The following KCNK5 variants were observed in gnomAD, a reference collection of about 807,000 sequenced individuals.
The protein encoded by KCNK5 is potassium two pore domain channel subfamily K member 5.
Under a neutral mutation model 32.9 loss-of-function variants are expected in KCNK5, and 18 were observed. The observed-to-expected ratio is 0.55, with a 90% confidence interval of 0.38 to 0.81. KCNK5 has a LOEUF of 0.81. KCNK5 is among the 30% of genes least tolerant of loss of function. The pLI is 0.00. For missense variants in KCNK5, 507 were observed against 651.0 expected (o/e 0.78, Z 2.41); for synonymous variants, 276 against 275.3 (o/e 1.00, Z -0.03).
In KCNK5 at chr6:39,191,201, G is replaced by T; in HGVS notation, c.1189C>A (p.Arg397Ser). Residue 397 changes from arginine (R) to serine (S), a missense_variant, in exon 5 of 5, where the codon CGC (arginine) becomes AGC (serine). Arg to Ser is a moderately radical substitution (Grantham distance 110). Around this residue, in one of 6 missense-constraint regions of KCNK5, gnomAD observed 252 missense variants for 250.8 expected, o/e 1.00. Coordinates refer to ENST00000359534, the MANE Select transcript of KCNK5 (RefSeq NM_003740.4). The surrounding 1 kb of genome is among the most constrained non-coding windows in gnomAD (Gnocchi z 5.8). ...APEVFMNQLD[R>S]ISEECEPWDA... ...CATGGCTCGCATTCCTCGCTGATGC[G>T]GTCCAGCTGGTTCATGAACACCTCG... The T allele has an allele frequency of 6.2e-7, 1 of 1,614,222 alleles. No individual in the cohort carries two copies. The highest frequency in any genetic ancestry group is 8.5e-7 in the Non-Finnish European group (1 of 1,180,046).
At chr6:39,199,397 A>C (rs1176788352) in intron 1 of KCNK5, among the ~76,000 whole-genome samples, 1 of 152,194 alleles carries the variant, frequency 6.6e-6, no homozygotes, top group Non-Finnish European at 1.5e-5. Context: ...ACCAGCTGGC[A>C]GCCTCAGGCC....
In KCNK5 at chr6:39,190,843, G is replaced by A; in HGVS notation, c.*47C>T. 2 of 1,443,488 alleles carry A rather than the reference G, an allele frequency of 1.4e-6. No homozygotes were observed. The highest frequency in any genetic ancestry group is 1.5e-5 in the South Asian group (1 of 65,060). 89.4% of individuals were successfully genotyped at this position (1,443,488 alleles called of 1,614,324 possible). A position where few individuals can be genotyped will look rare whatever the true frequency, so the allele number is the denominator to read the frequency against. ...CGGTCATCTCGGGACACCCTAGGGTGAGGGGGGAAGAGGCCATCAAAGGTG... is the reference window on the plus strand; with the variant it reads ...CGGTCATCTCGGGACACCCTAGGGTAAGGGGGGAAGAGGCCATCAAAGGTG... On this transcript the variant is annotated 3_prime_UTR_variant, in exon 5 of 5. Transcript: ENST00000359534.
rs73412644 is a variant in KCNK5, at chr6:39,189,605, C to T, written c.*1285G>A. 1.3e-5 allele frequency: 2 copies of T among 152,756 alleles called. No individual in the cohort carries two copies. The highest frequency in any genetic ancestry group is 4.8e-5 in the African/African-American group (2 of 41,564). The allele number at this position is 152,756 out of a possible 1,614,324, so 9.5% of individuals were successfully genotyped here. A position where few individuals can be genotyped will look rare whatever the true frequency, so the allele number is the denominator to read the frequency against. ...CATTCAGGACACAGTGGGCCAGCCCCAGGGTGAACATCATGGAGAACCCAA... is the reference window on the plus strand; with the variant it reads ...CATTCAGGACACAGTGGGCCAGCCCTAGGGTGAACATCATGGAGAACCCAA... On this transcript the variant is annotated 3_prime_UTR_variant, in exon 5 of 5. Coordinates refer to ENST00000359534, the MANE Select transcript of KCNK5 (RefSeq NM_003740.4).
intron 1 of KCNK5, among the ~76,000 whole-genome samples, chr6:39,219,972 G>A (rs1386689654): frequency 1.3e-5 from 2 of 152,228 alleles, no homozygotes; most frequent in East Asian, 3.8e-4. Flanking sequence ...ATAAACCGGA[G>A]TACAGGTAAA....
intron 1 of KCNK5, among the ~76,000 whole-genome samples, chr6:39,224,624 G>A (rs1208909228): frequency 6.6e-6 from 1 of 152,172 alleles, no homozygotes. Flanking sequence ...AAGCACTTTG[G>A]AGCTTAGGAA....
chr6:39,223,327 G>T (rs947654387), intron 1 of KCNK5, among the ~76,000 whole-genome samples: 1 of 152,226 alleles, frequency 6.6e-6, no homozygotes, highest in Middle Eastern at 3.2e-3. Context: ...CGCAGTGGCA[G>T]CTGGACAAAG....
At chr6:39,226,616 T>C (rs2113801042) in intron 1 of KCNK5, among the ~76,000 whole-genome samples, 1 of 152,206 alleles carries the variant, frequency 6.6e-6, no homozygotes, top group East Asian at 1.9e-4. Context: ...GAGCGTCAGG[T>C]GGAAAATGCC....
In KCNK5 at chr6:39,229,475, C is replaced by A. The variant is rs1771732462; in HGVS notation, c.-364G>T. 1 of 218,248 alleles carries A rather than the reference C, an allele frequency of 4.6e-6. No individual in the cohort carries two copies. Among genetic ancestry groups the A allele is most frequent in the Non-Finnish European group, 9.2e-6 (1 of 108,980 alleles). 13.5% of individuals were successfully genotyped at this position (218,248 alleles called of 1,614,324 possible). On this transcript the variant is annotated 5_prime_UTR_variant, in exon 1 of 5. Transcript: ENST00000359534. ...TCCTCCGCGCGCCACTAGCAGTATG[C>A]GCCGCGCCCGCCTCCGCACGCCTCT...
chr6:39,227,595 C>T (rs182776673), intron 1 of KCNK5, among the ~76,000 whole-genome samples: 38 of 152,314 alleles, frequency 2.5e-4, no homozygotes, highest in Middle Eastern at 3.4e-3. Flanking sequence ...ACCTCCCCTT[C>T]TACAGGACCC....
At position 39,190,763 on chromosome 6, in the gene KCNK5, C is replaced by CCTGGCCCCCCACTCCCAGTTCCGAGG; in HGVS notation, c.*101_*126dup. On this transcript the variant is annotated 3_prime_UTR_variant, in exon 5 of 5. Coordinates refer to ENST00000359534, the MANE Select transcript of KCNK5 (RefSeq NM_003740.4). ...AGGATGATGGAAGGTTAGGAAGGCC[C>CCTGGCCCCCCACTCCCAGTTCCGAGG]CTGGCCCCCCACTCCCAGTTCCGAG... is the stretch of plus-strand genomic sequence containing the variant. The CCTGGCCCCCCACTCCCAGTTCCGAGG allele has an allele frequency of 1.1e-6, 1 of 935,438 alleles. No individual in the cohort carries two copies. The highest frequency in any genetic ancestry group is 1.5e-6 in the Non-Finnish European group (1 of 664,528). 57.9% of individuals were successfully genotyped at this position (935,438 alleles called of 1,614,324 possible). A position where few individuals can be genotyped will look rare whatever the true frequency, so the allele number is the denominator to read the frequency against.
chr6:39,222,583 C>T (rs1771573569), intron 1 of KCNK5, among the ~76,000 whole-genome samples: 1 of 152,206 alleles, frequency 6.6e-6, no homozygotes, highest in African/African-American at 2.4e-5. Flanking sequence ...TGGCCTGTGG[C>T]TACAGCCTGT....
Position 39,191,427 on chromosome 6 carries a change from C to A in KCNK5, c.963G>T (p.Thr321=). 1 of 1,613,216 alleles carries A rather than the reference C, an allele frequency of 6.2e-7. No homozygotes were observed. The highest frequency in any genetic ancestry group is 1.1e-5 in the South Asian group (1 of 91,070). ...GAGGCCCCAGCCCTGGGCCCGGGCC[C>A]GTCTCCCCACCCCCGCTTGTCTTCA... is the stretch of plus-strand genomic sequence containing the variant. ...KAMKTSGGGE[T]GPGPGLGPQG... is the part of the protein sequence containing the mutation. The change falls in exon 5 of 5, where the codon ACG becomes ACT. Residue 321 remains threonine (T), a synonymous_variant. Transcript: ENST00000359534. This position sits in a 1 kb window ranked among gnomAD's most constrained non-coding sequence, Gnocchi z 5.8.
rs186862980 is a variant in KCNK5, at chr6:39,198,528, T to C, written c.187-2541A>G. ...AACAACATACAAGTATCCACTTAAATGTTTAAGTCTTATACTTTGGATTGG... is the reference window on the plus strand; with the variant it reads ...AACAACATACAAGTATCCACTTAAACGTTTAAGTCTTATACTTTGGATTGG... On this transcript the variant is annotated intron_variant, in intron 1 of 4. Transcript: ENST00000359534. 9.0e-4 allele frequency among the ~76,000 whole-genome samples: 137 copies of C among 152,324 alleles called. 1 individual carries two copies. The highest frequency in any genetic ancestry group is 3.2e-3 in the African/African-American group (133 of 41,564).
rs1344447650 is a variant in KCNK5 at position 39,227,784 on chromosome 6, G to T, written c.186+1142C>A. On this transcript the variant is annotated intron_variant, in intron 1 of 4. Transcript: ENST00000359534. ...TTCCCGTTTCTCACATGGGGAAACG[G>T]AGGCTGGAAAATGAGCGACGACTAG... Among the ~76,000 whole-genome samples the T allele has an allele frequency of 2.6e-5, 4 of 152,170 alleles. No homozygotes were observed. The East Asian group carries it at 7.7e-4, about 29-fold the overall frequency.
intron 1 of KCNK5, among the ~76,000 whole-genome samples, chr6:39,207,597 C>T (rs965997063): frequency 4.9e-5 from 7 of 142,074 alleles, no homozygotes; most frequent in East Asian, 4.6e-4. Flanking sequence ...AGTTCCCCTG[C>T]GGACTCTGGA....
rs1562047788 is a variant in KCNK5, at chr6:39,189,240, A to G, written c.*1650T>C. On this transcript the variant is annotated 3_prime_UTR_variant, in exon 5 of 5. Transcript: ENST00000359534. ...AGGTGGGCTCTGGCCCCACTGCCCCACAGTAGTGGGGCAGAAGGCAGAGAG... is the reference window on the plus strand; with the variant it reads ...AGGTGGGCTCTGGCCCCACTGCCCCGCAGTAGTGGGGCAGAAGGCAGAGAG... 1 of 152,110 alleles carries G rather than the reference A, an allele frequency of 6.6e-6. No homozygotes were observed. The highest frequency in any genetic ancestry group is 1.5e-5 in the Non-Finnish European group (1 of 68,024). 9.4% of individuals were successfully genotyped at this position (152,110 alleles called of 1,614,324 possible).
rs139502428 is a variant in KCNK5, at chr6:39,212,842, C to G, written c.186+16084G>C. 1.4e-3 allele frequency among the ~76,000 whole-genome samples: 215 copies of G among 152,370 alleles called. No homozygotes were observed. In the South Asian group the frequency reaches 0.027, roughly 19 times the overall value. On this transcript the variant is annotated intron_variant, in intron 1 of 4. Transcript: ENST00000359534. ...GTTTCTCTTGTCCTTCTCCTCAAAG[C>G]ATTCCACAGCACTGCTGCCAAGGAA...
Position 39,190,838 on chromosome 6 carries a change from A to AG in KCNK5, c.*51dup. On this transcript the variant is annotated 3_prime_UTR_variant, in exon 5 of 5. Transcript: ENST00000359534. ...CGTCCCGGTCATCTCGGGACACCCT[A>AG]GGGTGAGGGGGGAAGAGGCCATCAA... is the stretch of plus-strand genomic sequence containing the variant. 1 of 1,437,310 alleles carries AG rather than the reference A, an allele frequency of 7.0e-7. No individual in the cohort carries two copies. Among genetic ancestry groups the AG allele is most frequent in the African/African-American group, 1.4e-5 (1 of 69,724 alleles). 89.0% of individuals were successfully genotyped at this position (1,437,310 alleles called of 1,614,324 possible).
chr6:39,190,770 C>T lies in KCNK5; in HGVS notation c.*120G>A. On this transcript the variant is annotated 3_prime_UTR_variant, in exon 5 of 5. Coordinates refer to ENST00000359534, the MANE Select transcript of KCNK5 (RefSeq NM_003740.4). The stretch of plus-strand genomic sequence containing the variant: ...TGGAAGGTTAGGAAGGCCCCTGGCC[C>T]CCCACTCCCAGTTCCGAGGCTGCCC... The T allele has an allele frequency of 2.0e-6, 2 of 1,019,506 alleles. No homozygotes were observed. Among genetic ancestry groups the T allele is most frequent in the Non-Finnish European group, 2.7e-6 (2 of 740,150 alleles). The allele number at this position is 1,019,506 out of a possible 1,614,324, so 63.2% of individuals were successfully genotyped here.
Sources: allele counts gnomAD v4.1 joint callset (sites outside exome capture counted in the v4.1 genomes callset), GRCh38; gene constraint gnomAD v4.1.1; regional missense constraint gnomAD v4.1.1; non-coding constraint Gnocchi (gnomAD v3.1); transcripts MANE v1.5; gene names NCBI Gene and HGNC (gene_info 2026-07-23, HGNC 2026-07-21).